ZFYVE16: variants seen among roughly 807,000 people sequenced by gnomAD.
The protein encoded by ZFYVE16 is zinc finger FYVE-type containing 16, also known as zinc finger FYVE domain-containing protein 16.
A neutral mutation model predicts 138.1 loss-of-function variants in ZFYVE16; 89 were observed. The observed-to-expected ratio is 0.64, with a 90% CI of 0.54 to 0.77. The LOEUF (loss-of-function observed/expected upper bound fraction) is 0.77, where lower values mean the gene tolerates loss of function less well. Among genes scored for constraint, ZFYVE16 ranks in the 30% least tolerant of loss-of-function variants. The pLI, the probability that ZFYVE16 is intolerant of heterozygous loss-of-function variation, is 0.00. For missense variants in ZFYVE16, 1,793 were observed against 1,786.7 expected (o/e 1.00, Z -0.06); for synonymous variants, 596 against 618.3 (o/e 0.96, Z 0.53).
chr5:80,409,019 T>C (rs1056681974), intron 1 of ZFYVE16, among the ~76,000 whole-genome samples: 1 of 152,180 alleles, frequency 6.6e-6, no homozygotes, highest in Non-Finnish European at 1.5e-5. Flanking sequence ...TTAAACCGCA[T>C]GCTTAGTGGC....
At chr5:80,426,940 C>T (rs773291827) in intron 1 of ZFYVE16, among the ~76,000 whole-genome samples, 7 of 152,136 alleles carry the variant, frequency 4.6e-5, no homozygotes, top group Non-Finnish European at 1.0e-4. Context: ...TAATGATTGC[C>T]ATTCTGACTG....
rs573096554 is a variant in ZFYVE16 at position 80,412,803 on chromosome 5, T to A, written c.-94+4650T>A. 4.1e-4 allele frequency among the ~76,000 whole-genome samples: 62 copies of A among 152,264 alleles called. 1 individual carries two copies. The highest frequency in any genetic ancestry group is 1.0e-4 in the Non-Finnish European group (7 of 68,050). ...CCGTTACTACTACTTTTTACTATTA[T>A]GTTTATTTTAAATTTAATGTTTATA... On this transcript the variant is annotated intron_variant, in intron 1 of 18. Coordinates refer to ENST00000505560, the MANE Select transcript of ZFYVE16 (RefSeq NM_001284236.3).
rs752133108 is a variant in ZFYVE16 at position 80,437,142 on chromosome 5, G to T, written c.457G>T (p.Asp153Tyr). The change falls in exon 4 of 19, where the codon GAT becomes TAT. Residue 153 changes from aspartate to tyrosine, a missense_variant. Asp to Tyr is a radical substitution (Grantham distance 160). Transcript: ENST00000505560. ...EEDIKKLLPD[D>Y]FKSNADSLIG... ...AGATATTAAAAAATTATTGCCAGAT[G>T]ATTTTAAGTCTAATGCAGATTCCTT... 4 of 1,613,894 alleles carry T rather than the reference G, an allele frequency of 2.5e-6. No individual in the cohort carries two copies. The South Asian group carries it at 4.4e-5, about 18-fold the overall frequency.
rs140039813 is a variant in ZFYVE16 at position 80,422,731 on chromosome 5, G to T, written c.-93-4761G>T. Among the ~76,000 whole-genome samples, 952 of 152,236 alleles carry T rather than the reference G, an allele frequency of 6.3e-3. 10 individuals carry two copies. The highest frequency in any genetic ancestry group is 0.021 in the African/African-American group (880 of 41,536). On this transcript the variant is annotated intron_variant, in intron 1 of 18. Coordinates refer to ENST00000505560, the MANE Select transcript of ZFYVE16 (RefSeq NM_001284236.3). ...GCCTCGCAAAGTACTGGGATTACAG[G>T]CATGAGCCACTACGTCCAGCCTGGA...
At chr5:80,426,262 G>C (rs1331709956) in intron 1 of ZFYVE16, among the ~76,000 whole-genome samples, 1 of 57,130 alleles carries the variant, frequency 1.8e-5, no homozygotes, top group African/African-American at 4.4e-5. Flanking sequence ...GTGTGTGTGT[G>C]TGTGTGTGTG....
chr5:80,408,503 CG>C (rs1431498758), intron 1 of ZFYVE16, among the ~76,000 whole-genome samples: 1 of 152,236 alleles, frequency 6.6e-6, no homozygotes, highest in African/African-American at 2.4e-5. Flanking sequence ...GCCCTGGCGC[CG>C]CCGTCCCGCC....
chr5:80,464,957 C>T (rs1381299462), intron 15 of ZFYVE16, among the ~76,000 whole-genome samples: 2 of 150,766 alleles, frequency 1.3e-5, no homozygotes, highest in African/African-American at 2.4e-5. Flanking sequence ...CCTCTCTACT[C>T]CTTTGTGTCA....
In ZFYVE16 at chr5:80,459,442, T is replaced by G. The variant is rs1042362928; in HGVS notation, c.3972T>G (p.Asn1324Lys). 6.2e-7 allele frequency: 1 copy of G among 1,613,356 alleles called. No individual in the cohort carries two copies. The highest frequency in any genetic ancestry group is 8.5e-7 in the Non-Finnish European group (1 of 1,179,638). ...KVTGASFVVF[N>K]GALKTSSGFL... ...CAGGTGCAAGTTTTGTGGTATTCAA[T>G]GGAGCTCTAAAAACATCTTCAGGAT... Residue 1324 changes from asparagine to lysine, a missense_variant, in exon 15 of 19, where the codon AAT becomes AAG. This residue lies in a region of ZFYVE16 where 498 missense variants were observed against 582.4 expected (regional missense o/e 0.86). Transcript: ENST00000505560.
chr5:80,434,041 C>G, intron 2 of ZFYVE16, 68 bp from the exon 3 acceptor site: 1 of 1,015,362 alleles, frequency 9.8e-7, no homozygotes, highest in South Asian at 1.6e-5. Context: ...TGTTTCCTGG[C>G]ATGGAATACA....
At chr5:80,470,099 G>GTGTGTGTGTT (rs1327173079) in intron 15 of ZFYVE16, among the ~76,000 whole-genome samples, 8 of 121,186 alleles carry the variant, frequency 6.6e-5, no homozygotes, top group African/African-American at 2.7e-4. Flanking sequence ...GTGTGTGTGT[G>GTGTGTGTGTT]TATTTTTTTT....
intron 7 of ZFYVE16, among the ~76,000 whole-genome samples, chr5:80,447,448 A>G (rs1751503593): frequency 1.3e-5 from 2 of 152,170 alleles, no homozygotes; most frequent in South Asian, 4.1e-4. Context: ...TATTAATGAA[A>G]ATTCTCAACA....
At chr5:80,418,020 G>GC (rs1355598934) in intron 1 of ZFYVE16, among the ~76,000 whole-genome samples, 1 of 152,100 alleles carries the variant, frequency 6.6e-6, no homozygotes, top group Non-Finnish European at 1.5e-5. Flanking sequence ...GTTCTAATCT[G>GC]CAGTTCCCTA....
intron 1 of ZFYVE16, among the ~76,000 whole-genome samples, chr5:80,417,179 A>T (rs138874439): frequency 6.6e-5 from 10 of 152,298 alleles, no homozygotes; most frequent in African/African-American, 1.9e-4. Context: ...CTGTACCACC[A>T]TGGAAAACAA....
At chr5:80,415,209 T>G (rs936944433) in intron 1 of ZFYVE16, among the ~76,000 whole-genome samples, 2 of 152,250 alleles carry the variant, frequency 1.3e-5, no homozygotes, top group Non-Finnish European at 2.9e-5. Context: ...AACATTTTAT[T>G]TTGGAACAGT....
intron 15 of ZFYVE16, among the ~76,000 whole-genome samples, chr5:80,463,071 G>C (rs1753302869): frequency 6.6e-6 from 1 of 152,200 alleles, no homozygotes; most frequent in Non-Finnish European, 1.5e-5. Context: ...CACAGTGCAA[G>C]CTGTTGGTGG....
rs143480002 is a variant in ZFYVE16 at position 80,443,427 on chromosome 5, G to T, written c.2581+143G>T. 2.5e-3 allele frequency: 2,550 copies of T among 1,031,744 alleles called. 35 individuals carry two copies. The South Asian group carries it at 0.026, about 11-fold the overall frequency. The allele number at this position is 1,031,744 out of a possible 1,614,324, so 63.9% of individuals were successfully genotyped here. A position where few individuals can be genotyped will look rare whatever the true frequency, so the allele number is the denominator to read the frequency against. Reference sequence around the variant, plus strand: ...TACAGGGAATTGGTTACACATGCAGGCTGGAAGACTGGAAGAGCAAAAAGG... The same window carrying T: ...TACAGGGAATTGGTTACACATGCAGTCTGGAAGACTGGAAGAGCAAAAAGG... On this transcript the variant is annotated intron_variant, in intron 6 of 18. Coordinates refer to ENST00000505560, the MANE Select transcript of ZFYVE16 (RefSeq NM_001284236.3).
Position 80,448,212 on chromosome 5 carries a change from G to GT in ZFYVE16, c.2916dup (p.Ala973CysfsTer4). ...TGGTTCATTTACACTAGATGATGAT[G>GT]TTTTTGCAGAAACTGAAGAACCATC... On this transcript the variant is annotated frameshift_variant, in exon 8 of 19. Coordinates refer to ENST00000505560, the MANE Select transcript of ZFYVE16 (RefSeq NM_001284236.3). LOFTEE classifies it high-confidence loss of function. 2 of 1,613,846 alleles carry GT rather than the reference G, an allele frequency of 1.2e-6. No individual in the cohort carries two copies. Among genetic ancestry groups the GT allele is most frequent in the South Asian group, 2.2e-5 (2 of 91,038 alleles).
chr5:80,454,493 C>T (rs1317383870), intron 11 of ZFYVE16: 1 of 151,840 alleles, frequency 6.6e-6, no homozygotes, highest in Non-Finnish European at 1.5e-5. Flanking sequence ...GTTTCCCTGA[C>T]TCTATCTGTA....
rs996066932 is a variant in ZFYVE16, at chr5:80,479,861, A to C, written c.*2484A>C. 6.6e-6 allele frequency among the ~76,000 whole-genome samples: 1 copy of C among 152,136 alleles called. No individual in the cohort carries two copies. The highest frequency in any genetic ancestry group is 1.5e-5 in the Non-Finnish European group (1 of 68,016). On this transcript the variant is annotated 3_prime_UTR_variant, in exon 19 of 19. Transcript: ENST00000505560. ...ACACAATAGGCTGAGACTCCCAAAT[A>C]CTTTCACCTTTAGGATGATAATGAA...
Sources: gnomAD v4.1 joint callset for allele counts (sites outside exome capture counted in the v4.1 genomes callset) on GRCh38, gnomAD v4.1.1 for gene constraint, gnomAD v4.1.1 regional missense constraint, MANE v1.5 for transcripts, NCBI Gene and HGNC (gene_info 2026-07-23, HGNC 2026-07-21) for gene names.